The following COMMD10 variants were observed in gnomAD, a reference collection of about 807,000 sequenced individuals.
COMMD10 encodes COMM domain containing 10, also known as COMM domain-containing protein 10.
A neutral mutation model predicts 28.9 loss-of-function variants in COMMD10; 33 were observed. The observed-to-expected ratio is 1.14, with a 90% CI of 0.87 to 1.53. The LOEUF is 1.53. Ranked by LOEUF, COMMD10 falls within the 40% of genes most tolerant of loss-of-function variation. The probability of loss-of-function intolerance (pLI) is 0.00; values close to 1 mark genes in which losing one functional copy is unlikely to be tolerated. For synonymous variants in COMMD10, 110 were observed against 81.7 expected, an observed-to-expected ratio of 1.35 and a Z score of -1.87; for missense variants, 310 against 233.4, an observed-to-expected ratio of 1.33 and a Z score of -2.14.
chr5:116,263,827 C>A (rs1472351253), intron 5 of COMMD10, among the ~76,000 whole-genome samples: 1 of 151,710 alleles, frequency 6.6e-6, no homozygotes, highest in Non-Finnish European at 1.5e-5. Flanking sequence ...TGATTGATAT[C>A]TCATGCCTCC....
At chr5:116,111,543 A>G (rs1183008742) in intron 4 of COMMD10, among the ~76,000 whole-genome samples, 1 of 151,944 alleles carries the variant, frequency 6.6e-6, no homozygotes, top group Non-Finnish European at 1.5e-5. Flanking sequence ...ATTCAGGGGC[A>G]TATTGTTTAA....
chr5:116,254,077 A>G (rs918406689), intron 5 of COMMD10, among the ~76,000 whole-genome samples: 2 of 151,940 alleles, frequency 1.3e-5, no homozygotes, highest in African/African-American at 4.8e-5. Flanking sequence ...TTTCTAGTTT[A>G]TTTGCATAGA....
intron 5 of COMMD10, among the ~76,000 whole-genome samples, chr5:116,208,923 C>T (rs552832542): frequency 2.0e-5 from 3 of 152,046 alleles, no homozygotes; most frequent in East Asian, 1.9e-4. Flanking sequence ...AATTATAGTT[C>T]GTTTGTTAGA....
intron 5 of COMMD10, among the ~76,000 whole-genome samples, chr5:116,143,820 G>A (rs1318004419): frequency 3.3e-5 from 5 of 151,838 alleles, no homozygotes; most frequent in African/African-American, 4.8e-5. Context: ...CTACATGTGA[G>A]TTACTAGGCA....
intron 4 of COMMD10, among the ~76,000 whole-genome samples, chr5:116,105,070 A>T (rs979784496): frequency 1.3e-5 from 2 of 152,132 alleles, no homozygotes; most frequent in Non-Finnish European, 2.9e-5. Context: ...TTTTGCCCAT[A>T]CAGTATGATA....
At chr5:116,085,387 T>C (rs1750059640) in intron 1 of COMMD10, 1 of 415,664 alleles carries the variant, frequency 2.4e-6, no homozygotes, top group Non-Finnish European at 4.3e-6. Context: ...GTTCGCGGAG[T>C]TTGGTATCAG....
At chr5:116,203,419 A>C (rs1580545414) in intron 5 of COMMD10, among the ~76,000 whole-genome samples, 1 of 152,122 alleles carries the variant, frequency 6.6e-6, no homozygotes, top group East Asian at 1.9e-4. Context: ...GAGAAGAGCA[A>C]CTCCGAGACA....
chr5:116,134,058 T>C lies in COMMD10; in HGVS notation c.400-10T>C, dbSNP rs779366908. The C allele has an allele frequency of 4.0e-6, 6 of 1,497,918 alleles. No homozygotes were observed. The African/African-American group carries it at 8.1e-5, about 20-fold the overall frequency. 92.8% of individuals were successfully genotyped at this position (1,497,918 alleles called of 1,614,324 possible). On this transcript the variant is annotated splice_polypyrimidine_tract_variant and intron_variant, in intron 4 of 6. Transcript: ENST00000274458. ...ACCATCTGATTCCAATCTGCACCTG[T>C]CTTTTATAGCTAGAGACCGTTGGAT... is the stretch of plus-strand genomic sequence containing the variant.
chr5:116,276,379 A>G (rs1682619916), intron 5 of COMMD10, among the ~76,000 whole-genome samples: 1 of 151,528 alleles, frequency 6.6e-6, no homozygotes, highest in South Asian at 2.1e-4. Context: ...CAGCCTCCCA[A>G]GTAGTTGGGA....
rs148574054 is a variant in COMMD10, at chr5:116,211,146, A to G, written c.510+76968A>G. Among the ~76,000 whole-genome samples the G allele has an allele frequency of 1.7e-3, 265 of 152,258 alleles. 3 individuals are homozygous for G. Among genetic ancestry groups the G allele is most frequent in the African/African-American group, 6.0e-3 (248 of 41,554 alleles). Reference sequence around the variant, plus strand: ...GGGATGGTTATATCTCTATATAATTATGTTTATGTGTGTGTTTATGTATAT... The same window carrying G: ...GGGATGGTTATATCTCTATATAATTGTGTTTATGTGTGTGTTTATGTATAT... On this transcript the variant is annotated intron_variant, in intron 5 of 6. Coordinates refer to ENST00000274458, the MANE Select transcript of COMMD10 (RefSeq NM_016144.4).
At chr5:116,121,790 TG>T (rs1382458817) in intron 4 of COMMD10, among the ~76,000 whole-genome samples, 4 of 152,188 alleles carry the variant, frequency 2.6e-5, no homozygotes, top group African/African-American at 9.7e-5. Flanking sequence ...TTTTGAGAAG[TG>T]TCTGTTCATA....
chr5:116,234,755 T>C (rs17139231), intron 5 of COMMD10, among the ~76,000 whole-genome samples: 2,281 of 152,300 alleles, frequency 0.015, 57 homozygotes, highest in African/African-American at 0.048. Context: ...ATTGGATAAT[T>C]TCACTTATAA....
At chr5:116,091,893 G>A (rs954039640) in intron 3 of COMMD10, among the ~76,000 whole-genome samples, 3 of 152,252 alleles carry the variant, frequency 2.0e-5, no homozygotes, top group Non-Finnish European at 2.9e-5. Context: ...AACTTCATGA[G>A]CATTTTAATG....
At chr5:116,238,321 T>C (rs1412677251) in intron 5 of COMMD10, among the ~76,000 whole-genome samples, 1 of 152,188 alleles carries the variant, frequency 6.6e-6, no homozygotes, top group Non-Finnish European at 1.5e-5. Context: ...AACAGAGTTT[T>C]TCATGATTAA....
intron 5 of COMMD10, among the ~76,000 whole-genome samples, chr5:116,201,258 A>G (rs1464422344): frequency 1.3e-5 from 2 of 152,172 alleles, no homozygotes; most frequent in African/African-American, 2.4e-5. Context: ...GCATATTTTA[A>G]AAATGGCGTG....
intron 5 of COMMD10, among the ~76,000 whole-genome samples, chr5:116,210,136 A>T (rs570148489): frequency 6.6e-6 from 1 of 152,188 alleles, no homozygotes; most frequent in South Asian, 2.1e-4. Flanking sequence ...CACTCCTGCA[A>T]TAACAGTCTT....
chr5:116,166,174 T>TAA (rs1753088049), intron 5 of COMMD10, among the ~76,000 whole-genome samples: 12 of 152,354 alleles, frequency 7.9e-5, no homozygotes, highest in Admixed American at 5.9e-4. Context: ...TAGTTGTTCC[T>TAA]CAGAGTTGTT....
At chr5:116,137,225 G>A (rs1002057836) in intron 5 of COMMD10, among the ~76,000 whole-genome samples, 4 of 151,780 alleles carry the variant, frequency 2.6e-5, no homozygotes, top group African/African-American at 9.7e-5. Context: ...CTGTTATTAA[G>A]GACCACAAAC....
At chr5:116,100,945 C>T (rs1171068607) in intron 4 of COMMD10, among the ~76,000 whole-genome samples, 3 of 152,132 alleles carry the variant, frequency 2.0e-5, no homozygotes, top group African/African-American at 7.2e-5. Context: ...TTTTTACATC[C>T]ATGTGTACAC....
Sources: gnomAD v4.1 joint callset for allele counts (sites outside exome capture counted in the v4.1 genomes callset) on GRCh38, gnomAD v4.1.1 for gene constraint, MANE v1.5 for transcripts, NCBI Gene and HGNC (gene_info 2026-07-23, HGNC 2026-07-21) for gene names.